The following CACNA2D3 variants were observed in gnomAD, a reference collection of about 807,000 sequenced individuals.
CACNA2D3 encodes voltage-dependent calcium channel subunit alpha-2/delta-3.
CACNA2D3 carries 60 observed loss-of-function variants against 160.6 expected under a neutral mutation model. The ratio of observed to expected loss-of-function variants is 0.37; its 90% CI spans 0.30 to 0.46. The LOEUF (loss-of-function observed/expected upper bound fraction) is 0.46, where lower values mean the gene tolerates loss of function less well. Among genes scored for constraint, CACNA2D3 ranks in the 20% least tolerant of loss-of-function variants. The probability of loss-of-function intolerance (pLI) is 1.00; values close to 1 mark genes in which losing one functional copy is unlikely to be tolerated. For missense variants in CACNA2D3, 1,205 were observed against 1,365.0 expected (o/e 0.88, Z 1.85); for synonymous variants, 558 against 492.9 (o/e 1.13, Z -1.75).
chr3:54,436,182 C>T (rs994190040), intron 4 of CACNA2D3, among the ~76,000 whole-genome samples: 1 of 152,144 alleles, frequency 6.6e-6, no homozygotes. Flanking sequence ...AAAAAAAACT[C>T]ATCATCACTG....
chr3:54,724,562 A>G (rs1419013114), intron 11 of CACNA2D3, among the ~76,000 whole-genome samples: 1 of 152,176 alleles, frequency 6.6e-6, no homozygotes, highest in Non-Finnish European at 1.5e-5. Context: ...AATAATAACA[A>G]ACAGTCTCTC....
chr3:54,689,747 A>G (rs1020471640), intron 11 of CACNA2D3, among the ~76,000 whole-genome samples: 3 of 151,542 alleles, frequency 2.0e-5, no homozygotes, highest in Non-Finnish European at 4.4e-5. Flanking sequence ...CACCCTACCC[A>G]CTGGTCTGGT....
At chr3:54,725,921 G>A (rs1378264586) in intron 11 of CACNA2D3, among the ~76,000 whole-genome samples, 2 of 152,092 alleles carry the variant, frequency 1.3e-5, no homozygotes, top group Admixed American at 1.3e-4. Flanking sequence ...AGGGCAATCA[G>A]GCAAGGGAAA....
chr3:55,028,255 T>C (rs1703608007), intron 35 of CACNA2D3, among the ~76,000 whole-genome samples: 1 of 152,148 alleles, frequency 6.6e-6, no homozygotes, highest in South Asian at 2.1e-4. Context: ...TGTTATAACA[T>C]ACAGGGACAG....
chr3:54,129,192 A>G (rs2107249960), intron 2 of CACNA2D3, among the ~76,000 whole-genome samples: 1 of 152,352 alleles, frequency 6.6e-6, no homozygotes, highest in African/African-American at 2.4e-5. Flanking sequence ...TCGACAGCCC[A>G]GTACTTTGGC....
intron 2 of CACNA2D3, among the ~76,000 whole-genome samples, chr3:54,276,308 G>A (rs895888203): frequency 5.9e-5 from 9 of 152,270 alleles, no homozygotes; most frequent in Non-Finnish European, 7.4e-5. Flanking sequence ...AGTGGCTCAC[G>A]CCTGTACTCC....
rs996617901 is a variant in CACNA2D3, at chr3:54,338,467, C to CTCTGTGTGTGTGTGTGTG, written c.321+17910_321+17911insCTGTGTGTGTGTGTGTGT. On this transcript the variant is annotated intron_variant, in intron 3 of 37. Coordinates refer to ENST00000474759, the MANE Select transcript of CACNA2D3 (RefSeq NM_018398.3). Reference sequence around the variant, plus strand: ...TTATAGCTCTCTTCATCTCCCCTCCCTGTGTGTGTGTGTGTGTGTGTGTGT... The same window carrying CTCTGTGTGTGTGTGTGTG: ...TTATAGCTCTCTTCATCTCCCCTCCCTCTGTGTGTGTGTGTGTGTGTGTGTGTGTGTGTGTGTGTGTGT... Among the ~76,000 whole-genome samples, 127 of 136,522 alleles carry CTCTGTGTGTGTGTGTGTG rather than the reference C, an allele frequency of 9.3e-4. 1 individual carries two copies. Among genetic ancestry groups the CTCTGTGTGTGTGTGTGTG allele is most frequent in the African/African-American group, 3.2e-3 (116 of 35,922 alleles). 89.6% of individuals were successfully genotyped at this position (136,522 alleles called of 152,430 possible). A position where few individuals can be genotyped will look rare whatever the true frequency, so the allele number is the denominator to read the frequency against.
At chr3:54,874,093 G>A (rs1315101352) in intron 18 of CACNA2D3, among the ~76,000 whole-genome samples, 1 of 152,144 alleles carries the variant, frequency 6.6e-6, no homozygotes, top group East Asian at 1.9e-4. Flanking sequence ...TAGGAAGTAG[G>A]CTCCTGAATT....
intron 2 of CACNA2D3, among the ~76,000 whole-genome samples, chr3:54,305,324 C>A (rs1450130136): frequency 6.6e-6 from 1 of 152,182 alleles, no homozygotes; most frequent in African/African-American, 2.4e-5. Context: ...CCCATTAATT[C>A]TACCCTGTGA....
intron 11 of CACNA2D3, among the ~76,000 whole-genome samples, chr3:54,648,568 C>T (rs551221832): frequency 5.9e-5 from 9 of 152,328 alleles, no homozygotes; most frequent in African/African-American, 1.2e-4. Flanking sequence ...ATGGTAATGA[C>T]GGTTTTTCCC....
intron 4 of CACNA2D3, among the ~76,000 whole-genome samples, chr3:54,393,199 T>G (rs1300828489): frequency 2.0e-5 from 3 of 152,144 alleles, no homozygotes; most frequent in African/African-American, 7.2e-5. Context: ...GCAAGAAGAC[T>G]GCCGGAAGCA....
chr3:54,695,161 G>A (rs1363761832), intron 11 of CACNA2D3, among the ~76,000 whole-genome samples: 1 of 152,020 alleles, frequency 6.6e-6, no homozygotes, highest in Non-Finnish European at 1.5e-5. Context: ...GGGATTACAG[G>A]TGCCCACCAC....
chr3:54,354,947 C>T (rs1278911787), intron 3 of CACNA2D3, among the ~76,000 whole-genome samples: 4 of 152,184 alleles, frequency 2.6e-5, no homozygotes, highest in Admixed American at 6.5e-5. Context: ...ATGGCTTATG[C>T]GTTTTTATTC....
intron 27 of CACNA2D3, among the ~76,000 whole-genome samples, chr3:54,956,562 C>A (rs1369927072): frequency 3.3e-5 from 5 of 152,162 alleles, no homozygotes; most frequent in African/African-American, 1.2e-4. Context: ...AAAATACTTT[C>A]TCCCCCACTC....
chr3:54,204,796 GAAAAAAAAAAAAA>G (rs57129457), intron 2 of CACNA2D3, among the ~76,000 whole-genome samples: 22 of 74,078 alleles, frequency 3.0e-4, no homozygotes, highest in Middle Eastern at 0.012. Flanking sequence ...ATGCTGTCTT[GAAAAAAAAAAAAA>G]AAAAAAAAAA....
At chr3:54,542,012 C>T (rs548653112) in intron 5 of CACNA2D3, among the ~76,000 whole-genome samples, 68 of 150,526 alleles carry the variant, frequency 4.5e-4, no homozygotes, top group African/African-American at 1.3e-3. Context: ...TTCTCTAGAG[C>T]GACAGAACTA....
At chr3:54,457,021 T>C (rs1009022448) in intron 4 of CACNA2D3, among the ~76,000 whole-genome samples, 2 of 151,984 alleles carry the variant, frequency 1.3e-5, no homozygotes, top group Non-Finnish European at 2.9e-5. Flanking sequence ...TAATTTTGTT[T>C]ATCTTTTCAA....
rs529128308 is a variant in CACNA2D3 at position 54,896,116 on chromosome 3, TAGAA to T, written c.2247-628_2247-625del. On this transcript the variant is annotated intron_variant, in intron 25 of 37. Coordinates refer to ENST00000474759, the MANE Select transcript of CACNA2D3 (RefSeq NM_018398.3). ...TGAGTGTGATTTTGAAAGGAAGAGA[TAGAA>T]AGAAGACTGCACCTAGCCTTCCCGA... 1.6e-4 allele frequency among the ~76,000 whole-genome samples: 25 copies of T among 152,150 alleles called. No homozygotes were observed. In the South Asian group the frequency reaches 3.1e-3, roughly 19 times the overall value.
At chr3:54,802,078 C>A (rs114041672) in intron 13 of CACNA2D3, among the ~76,000 whole-genome samples, 86 of 152,264 alleles carry the variant, frequency 5.6e-4, no homozygotes, top group African/African-American at 1.9e-3. Context: ...TATCTTACCC[C>A]CTGCAGGGTT....
Sources: gnomAD v4.1 joint callset for allele counts (sites outside exome capture counted in the v4.1 genomes callset) on GRCh38, gnomAD v4.1.1 for gene constraint, MANE v1.5 for transcripts, NCBI Gene and HGNC (gene_info 2026-07-23, HGNC 2026-07-21) for gene names.